The following EVL variants were observed in gnomAD, a reference collection of about 807,000 sequenced individuals.
EVL encodes the protein ena/VASP-like protein.
A neutral mutation model predicts 59.6 loss-of-function variants in EVL; 21 were observed. The observed-to-expected ratio is 0.35, with a 90% CI of 0.25 to 0.51. The LOEUF (loss-of-function observed/expected upper bound fraction) is 0.51, where lower values mean the gene tolerates loss of function less well. Ranked by LOEUF, EVL falls within the 20% of genes least tolerant of loss-of-function variation. The probability of loss-of-function intolerance (pLI) is 0.97; values close to 1 mark genes in which losing one functional copy is unlikely to be tolerated. For missense variants in EVL, 462 were observed against 546.6 expected (o/e 0.85, Z 1.54); for synonymous variants, 198 against 203.5 (o/e 0.97, Z 0.23).
chr14:100,085,831 A>C (rs918844745), intron 2 of EVL, among the ~76,000 whole-genome samples: 1 of 152,124 alleles, frequency 6.6e-6, no homozygotes, highest in Non-Finnish European at 1.5e-5. Context: ...ACCCCTGATA[A>C]AAGGTAGTCT....
intron 1 of EVL, among the ~76,000 whole-genome samples, chr14:100,019,996 A>G (rs1472372003): frequency 1.3e-5 from 2 of 152,106 alleles, no homozygotes; most frequent in Non-Finnish European, 2.9e-5. Flanking sequence ...CAGAATAGCA[A>G]CTGTGTGTCC....
chr14:99,992,346 A>G (rs941837482), intron 1 of EVL, among the ~76,000 whole-genome samples: 1 of 152,100 alleles, frequency 6.6e-6, no homozygotes, highest in African/African-American at 2.4e-5. Flanking sequence ...TATTCTGGAT[A>G]TTAATCATTT....
chr14:99,996,839 T>G (rs1232952823), intron 1 of EVL, among the ~76,000 whole-genome samples: 2 of 152,164 alleles, frequency 1.3e-5, no homozygotes, highest in Non-Finnish European at 2.9e-5. Context: ...TTTTTAGAGA[T>G]GGGATCTAGC....
intron 1 of EVL, among the ~76,000 whole-genome samples, chr14:100,060,418 G>A (rs1298844607): frequency 7.3e-5 from 10 of 137,780 alleles, no homozygotes; most frequent in East Asian, 2.3e-4. Context: ...GCGACAGAGC[G>A]AGACTCCGTC....
At chr14:100,032,882 G>T (rs887851256) in intron 1 of EVL, among the ~76,000 whole-genome samples, 1 of 152,118 alleles carries the variant, frequency 6.6e-6, no homozygotes, top group African/African-American at 2.4e-5. Flanking sequence ...CAGTTGAGCA[G>T]AGCTGGACAC....
intron 1 of EVL, among the ~76,000 whole-genome samples, chr14:99,994,747 T>C (rs2060901562): frequency 6.6e-6 from 1 of 152,220 alleles, no homozygotes; most frequent in Non-Finnish European, 1.5e-5. Flanking sequence ...CCAGGGAGTT[T>C]TGTATATTCT....
At chr14:100,111,588 A>G (rs1886998273) in intron 3 of EVL, among the ~76,000 whole-genome samples, 1 of 152,166 alleles carries the variant, frequency 6.6e-6, no homozygotes. Flanking sequence ...TGGAGTGCCC[A>G]ATCCCTAGAT....
intron 1 of EVL, among the ~76,000 whole-genome samples, chr14:100,080,621 C>T (rs1210063913): frequency 6.6e-6 from 1 of 152,202 alleles, no homozygotes; most frequent in Non-Finnish European, 1.5e-5. Context: ...ATATGGGCCC[C>T]ACAAATACAT....
chr14:100,041,710 G>A (rs1376786273), intron 1 of EVL, among the ~76,000 whole-genome samples: 3 of 152,152 alleles, frequency 2.0e-5, no homozygotes, highest in Non-Finnish European at 4.4e-5. Context: ...TTTTCAGTTG[G>A]GTATTGCCAA....
intron 1 of EVL, among the ~76,000 whole-genome samples, chr14:100,041,351 T>C (rs1256218033): frequency 6.6e-6 from 1 of 152,224 alleles, no homozygotes; most frequent in Non-Finnish European, 1.5e-5. Context: ...CATCCCTGTT[T>C]ACTTCACAGC....
At chr14:100,053,583 A>G (rs1224304613) in intron 1 of EVL, among the ~76,000 whole-genome samples, 2 of 152,376 alleles carry the variant, frequency 1.3e-5, no homozygotes, top group South Asian at 4.1e-4. Context: ...GTCATTGATT[A>G]TCATTGATTA....
chr14:100,050,745 A>T (rs1361954167), intron 1 of EVL, among the ~76,000 whole-genome samples: 1 of 135,108 alleles, frequency 7.4e-6, no homozygotes, highest in African/African-American at 2.8e-5. Flanking sequence ...TGAGCTCATG[A>T]TTTTTTTTTT....
chr14:100,088,651 A>T (rs867230658), intron 2 of EVL, among the ~76,000 whole-genome samples: 1 of 152,222 alleles, frequency 6.6e-6, no homozygotes, highest in Non-Finnish European at 1.5e-5. Flanking sequence ...TTATGGGACC[A>T]CCATCATATA....
chr14:100,110,090 C>G (rs1378979905), intron 3 of EVL, among the ~76,000 whole-genome samples: 1 of 152,204 alleles, frequency 6.6e-6, no homozygotes, highest in African/African-American at 2.4e-5. Context: ...AGGTAACTAA[C>G]AATATCAGCC....
At chr14:100,044,641 G>A (rs2061521037) in intron 1 of EVL, among the ~76,000 whole-genome samples, 1 of 152,168 alleles carries the variant, frequency 6.6e-6, no homozygotes, top group Non-Finnish European at 1.5e-5. Context: ...GCAGACCTGG[G>A]GTATGTGTGG....
chr14:100,083,905 C>T (rs74692007), intron 1 of EVL, among the ~76,000 whole-genome samples: 1,898 of 152,266 alleles, frequency 0.012, 51 homozygotes, highest in African/African-American at 0.043. Context: ...AGTGTAATCA[C>T]TGAATACGTG....
chr14:99,999,126 A>G (rs2140183538), intron 1 of EVL, among the ~76,000 whole-genome samples: 1 of 152,224 alleles, frequency 6.6e-6, no homozygotes, highest in Non-Finnish European at 1.5e-5. Flanking sequence ...GAAGGGCTAT[A>G]TTTCTAGTGA....
chr14:100,141,999 C>T (rs1889201083), intron 13 of EVL: 1 of 467,966 alleles, frequency 2.1e-6, no homozygotes, highest in Admixed American at 3.4e-5. Context: ...ATTTGTAGCT[C>T]CCTGGTAGCA....
chr14:100,090,973 A>G (rs1296442191), intron 2 of EVL, among the ~76,000 whole-genome samples: 1 of 152,160 alleles, frequency 6.6e-6, no homozygotes, highest in Non-Finnish European at 1.5e-5. Flanking sequence ...GAAAGTAGCT[A>G]CAAACTATTA....
Sources: gnomAD v4.1 joint callset for allele counts (sites outside exome capture counted in the v4.1 genomes callset) on GRCh38, gnomAD v4.1.1 for gene constraint, MANE v1.5 for transcripts, NCBI Gene and HGNC (gene_info 2026-07-23, HGNC 2026-07-21) for gene names.